The following UGT1A8 variants were observed in gnomAD, a reference collection of about 807,000 sequenced individuals.
The protein encoded by UGT1A8 is UDP-glucuronosyltransferase 1A8.
A neutral mutation model predicts 45.3 loss-of-function variants in UGT1A8; 39 were observed. That is an observed-to-expected ratio of 0.86 (90% CI 0.67 to 1.12). The LOEUF is 1.12. Among genes scored for constraint, UGT1A8 ranks in the 50% most tolerant of loss-of-function variants. The pLI is 0.00. For synonymous variants in UGT1A8, 275 were observed against 249.2 expected, an observed-to-expected ratio of 1.10 and a Z score of -0.97; for missense variants, 719 against 664.9, an observed-to-expected ratio of 1.08 and a Z score of -0.90.
At chr2:233,736,628 T>C (rs1418847955) in intron 1 of UGT1A8, among the ~76,000 whole-genome samples, 1 of 152,228 alleles carries the variant, frequency 6.6e-6, no homozygotes, top group Admixed American at 6.5e-5. Context: ...GCTTTTCTGC[T>C]CTAGTTTCCC....
chr2:233,655,265 T>C (rs907354050), intron 1 of UGT1A8, among the ~76,000 whole-genome samples: 1 of 152,134 alleles, frequency 6.6e-6, no homozygotes, highest in African/African-American at 2.4e-5. Context: ...CTTGTAACCT[T>C]GTGTTTTGGG....
Position 233,719,292 on chromosome 2 carries a change from G to A in UGT1A8, c.856-47742G>A, listed in dbSNP as rs146073833. 838 of 1,613,610 alleles carry A rather than the reference G, an allele frequency of 5.2e-4. 5 individuals are homozygous for A. The African/African-American group carries it at 8.5e-3, about 16-fold the overall frequency. On this transcript the variant is annotated intron_variant, in intron 1 of 4. Transcript: ENST00000373450. ...TTTAACAGACCCCGTTAACCTCTGTGGGGCGGTGCTGGCTAAGTACCTGTC... is the reference window on the plus strand; with the variant it reads ...TTTAACAGACCCCGTTAACCTCTGTAGGGCGGTGCTGGCTAAGTACCTGTC...
chr2:233,618,706 A>T, intron 1 of UGT1A8, 144 bp downstream of exon 1: 1 of 1,469,724 alleles, frequency 6.8e-7, no homozygotes, highest in Admixed American at 2.3e-5. Flanking sequence ...GTGCCAATTT[A>T]TGTACTCATC....
At chr2:233,665,426 T>C (rs905080009) in intron 1 of UGT1A8, among the ~76,000 whole-genome samples, 1 of 152,244 alleles carries the variant, frequency 6.6e-6, no homozygotes, top group Non-Finnish European at 1.5e-5. Context: ...ACTTCTCTCA[T>C]TGAACCCTGA....
At chr2:233,745,164 A>G (rs2125868449) in intron 1 of UGT1A8, among the ~76,000 whole-genome samples, 1 of 151,968 alleles carries the variant, frequency 6.6e-6, no homozygotes, top group South Asian at 2.1e-4. Context: ...TCAAATGTGC[A>G]TGTTATTCAC....
chr2:233,726,289 A>G (rs568621451), intron 1 of UGT1A8, among the ~76,000 whole-genome samples: 9 of 152,322 alleles, frequency 5.9e-5, no homozygotes, highest in African/African-American at 1.9e-4. Context: ...GGTACTTGGG[A>G]GGCTCAGGTG....
At chr2:233,730,985 T>C (rs766907684) in intron 1 of UGT1A8, among the ~76,000 whole-genome samples, 61 of 152,340 alleles carry the variant, frequency 4.0e-4, no homozygotes, top group Admixed American at 5.9e-4. Flanking sequence ...TATTGTTTCT[T>C]ATTCCTTGCT....
At chr2:233,639,601 T>C (rs1333992905) in intron 1 of UGT1A8, among the ~76,000 whole-genome samples, 1 of 152,024 alleles carries the variant, frequency 6.6e-6, no homozygotes, top group Non-Finnish European at 1.5e-5. Flanking sequence ...TGCACATGTA[T>C]GTGTTTGTGT....
rs35350960 is a variant in UGT1A8, at chr2:233,760,973, C to T, written c.856-6061C>T. On this transcript the variant is annotated intron_variant, in intron 1 of 4. Coordinates refer to ENST00000373450, the MANE Select transcript of UGT1A8 (RefSeq NM_019076.5). The stretch of plus-strand genomic sequence containing the variant: ...TTTCTGTGCGACGTGGTTTATTCCC[C>T]GTATGCAACCCTTGCCTCAGAATTC... 4.6e-5 allele frequency: 74 copies of T among 1,614,056 alleles called. No homozygotes were observed. Among genetic ancestry groups the T allele is most frequent in the Non-Finnish European group, 5.4e-5 (64 of 1,180,038 alleles).
Position 233,681,055 on chromosome 2 carries a change from G to A in UGT1A8, c.855+62493G>A, listed in dbSNP as rs565876175. Among the ~76,000 whole-genome samples the A allele has an allele frequency of 7.2e-5, 11 of 151,908 alleles. No homozygotes were observed. In the East Asian group the frequency reaches 2.2e-3, roughly 30 times the overall value. The stretch of plus-strand genomic sequence containing the variant: ...TGAAAAAAGACAAGCAGCACTTGTG[G>A]CTCACCTGTGTCACAATTGTGGCTC... On this transcript the variant is annotated intron_variant, in intron 1 of 4. Transcript: ENST00000373450.
chr2:233,682,864 T>G, intron 1 of UGT1A8: 2 of 1,527,656 alleles, frequency 1.3e-6, no homozygotes, highest in Non-Finnish European at 1.7e-6. Flanking sequence ...TACAGAATCA[T>G]AATTTATCAT....
At chr2:233,650,245 C>T (rs2073706652) in intron 1 of UGT1A8, among the ~76,000 whole-genome samples, 1 of 152,230 alleles carries the variant, frequency 6.6e-6, no homozygotes, top group African/African-American at 2.4e-5. Flanking sequence ...GCTGGGATTA[C>T]AGGTGTGAGC....
intron 1 of UGT1A8, among the ~76,000 whole-genome samples, chr2:233,720,871 ATTTT>A (rs60621337): frequency 2.3e-5 from 3 of 132,772 alleles, no homozygotes; most frequent in African/African-American, 8.6e-5. Flanking sequence ...GCTCCTGGCA[ATTTT>A]TTTTTTTTTT....
At chr2:233,661,623 T>TTTTCTTTC (rs55749169) in intron 1 of UGT1A8, among the ~76,000 whole-genome samples, 15,097 of 123,636 alleles carry the variant, frequency 0.12, 1,119 homozygotes, top group East Asian at 0.17. Context: ...ACTTACTGAA[T>TTTTCTTTC]TTTCTTTCTT....
intron 1 of UGT1A8, chr2:233,741,713 C>T (rs1022518574): frequency 6.6e-6 from 1 of 151,840 alleles, no homozygotes; most frequent in South Asian, 2.1e-4. Flanking sequence ...TCTGAGGGTT[C>T]TAGAGCATAT....
At chr2:233,643,814 C>T (rs181257101) in intron 1 of UGT1A8, among the ~76,000 whole-genome samples, 2 of 152,260 alleles carry the variant, frequency 1.3e-5, no homozygotes, top group East Asian at 1.9e-4. Flanking sequence ...AGGTTCCCTT[C>T]TAGCCCAGGG....
At chr2:233,642,485 C>T (rs1301559963) in intron 1 of UGT1A8, among the ~76,000 whole-genome samples, 2 of 152,128 alleles carry the variant, frequency 1.3e-5, no homozygotes, top group African/African-American at 2.4e-5. Context: ...TCTGAAAGGT[C>T]GCTTATATCT....
chr2:233,672,765 C>T (rs763206474), intron 1 of UGT1A8: 34 of 1,613,614 alleles, frequency 2.1e-5, no homozygotes, highest in African/African-American at 6.7e-5. Flanking sequence ...GTATCAACTG[C>T]CATCAGGGAA....
chr2:233,717,785 A>G (rs559619766), intron 1 of UGT1A8: 1 of 456,340 alleles, frequency 2.2e-6, no homozygotes, highest in South Asian at 1.5e-5. Flanking sequence ...CCATTTTGAA[A>G]TTTGAAGTAG....
Sources: gnomAD v4.1 joint callset for allele counts (sites outside exome capture counted in the v4.1 genomes callset) on GRCh38, gnomAD v4.1.1 for gene constraint, MANE v1.5 for transcripts, NCBI Gene and HGNC (gene_info 2026-07-23, HGNC 2026-07-21) for gene names.